CPD: variants seen among roughly 807,000 people sequenced by gnomAD.
CPD encodes the protein carboxypeptidase D.
Under a neutral mutation model 138.3 loss-of-function variants are expected in CPD, and 69 were observed. That is an observed-to-expected ratio of 0.50 (90% CI 0.41 to 0.61). CPD has a LOEUF of 0.61. Ranked by LOEUF, CPD falls within the 20% of genes least tolerant of loss-of-function variation. CPD has a pLI of 0.00. For missense variants in CPD, 1,432 were observed against 1,733.3 expected, an observed-to-expected ratio of 0.83 and a Z score of 3.09; for synonymous variants, 651 against 642.1, an observed-to-expected ratio of 1.01 and a Z score of -0.21.
intron 2 of CPD, among the ~76,000 whole-genome samples, chr17:30,417,885 T>C (rs1466965802): frequency 6.6e-6 from 1 of 152,136 alleles, no homozygotes; most frequent in Admixed American, 6.6e-5. Context: ...TAGACCCTAC[T>C]TACCTTTCCA....
intron 17 of CPD, among the ~76,000 whole-genome samples, chr17:30,458,194 C>CA (rs1319415416): frequency 1.3e-5 from 2 of 151,910 alleles, no homozygotes; most frequent in Non-Finnish European, 2.9e-5. Flanking sequence ...AACTCTGTCT[C>CA]AAAAAAACGA....
At chr17:30,399,124 T>C (rs1911584657) in intron 2 of CPD, among the ~76,000 whole-genome samples, 1 of 151,976 alleles carries the variant, frequency 6.6e-6, no homozygotes, top group East Asian at 1.9e-4. Context: ...AAATATTTTA[T>C]AATATATTTA....
intron 6 of CPD, among the ~76,000 whole-genome samples, chr17:30,426,392 A>T (rs1304277466): frequency 6.6e-6 from 1 of 152,182 alleles, no homozygotes; most frequent in Non-Finnish European, 1.5e-5. Flanking sequence ...TTTCAAAGAT[A>T]GTTTGATGGA....
chr17:30,407,183 A>G (rs1597714058), intron 2 of CPD, among the ~76,000 whole-genome samples: 1 of 152,142 alleles, frequency 6.6e-6, no homozygotes, highest in African/African-American at 2.4e-5. Flanking sequence ...TCCATGGTGT[A>G]TATGTGCACA....
At chr17:30,413,326 T>C (rs968968236) in intron 2 of CPD, among the ~76,000 whole-genome samples, 5 of 152,146 alleles carry the variant, frequency 3.3e-5, no homozygotes, top group African/African-American at 1.2e-4. Flanking sequence ...TATGGCTTGG[T>C]AGGGATAGGA....
intron 12 of CPD, among the ~76,000 whole-genome samples, chr17:30,446,703 G>A (rs564341438): frequency 6.6e-5 from 10 of 152,288 alleles, no homozygotes; most frequent in Admixed American, 5.9e-4. Flanking sequence ...TAATGGGATG[G>A]CTGGGTCAAA....
chr17:30,411,066 C>T (rs1911955302), intron 2 of CPD, among the ~76,000 whole-genome samples: 1 of 152,146 alleles, frequency 6.6e-6, no homozygotes, highest in Non-Finnish European at 1.5e-5. Flanking sequence ...GTGACAAAAT[C>T]TCTCAGCATT....
intron 4 of CPD, among the ~76,000 whole-genome samples, chr17:30,422,255 TTTAA>T (rs1912284956): frequency 2.6e-5 from 4 of 152,220 alleles, no homozygotes; most frequent in Admixed American, 2.0e-4. Context: ...TTGATAAGGA[TTTAA>T]TTGATAACCT....
In CPD at chr17:30,420,836, T is replaced by C. The variant is rs372482686; in HGVS notation, c.995-5T>C. 1.9e-6 allele frequency: 3 copies of C among 1,607,608 alleles called. No individual in the cohort carries two copies. In the African/African-American group the frequency reaches 4.0e-5, roughly 21 times the overall value. On this transcript the variant is annotated splice_polypyrimidine_tract_variant and splice_region_variant and intron_variant, in intron 2 of 20. Coordinates refer to ENST00000225719, the MANE Select transcript of CPD (RefSeq NM_001304.5). The stretch of plus-strand genomic sequence containing the variant: ...GAGAGTAAACTTATTTTTTCTATGT[T>C]ACAGGTGGTATGCAAGATTACAATT...
chr17:30,463,768 G>A (rs1913556250), intron 20 of CPD, among the ~76,000 whole-genome samples: 2 of 152,184 alleles, frequency 1.3e-5, no homozygotes, highest in Non-Finnish European at 2.9e-5. Context: ...CCTGTGTGGT[G>A]TGTTTAAAGG....
chr17:30,386,987 G>A (rs1911209379), intron 2 of CPD, among the ~76,000 whole-genome samples: 1 of 152,090 alleles, frequency 6.6e-6, no homozygotes, highest in Non-Finnish European at 1.5e-5. Flanking sequence ...GAATTGCTGG[G>A]TCAAATGGTA....
chr17:30,397,268 A>G (rs961455306), intron 2 of CPD, among the ~76,000 whole-genome samples: 1 of 152,228 alleles, frequency 6.6e-6, no homozygotes, highest in Admixed American at 6.5e-5. Context: ...CACAGAATTA[A>G]TACTTAGAGC....
At position 30,445,836 on chromosome 17, in the gene CPD, C is replaced by G. The variant is rs772959643; in HGVS notation, c.2689C>G (p.Pro897Ala). The change falls in exon 12 of 21, where the codon CCA becomes GCA. Residue 897 changes from proline to alanine, a missense_variant. Pro to Ala is a conservative substitution (Grantham distance 27). This residue lies in a region of CPD where 124 missense variants were observed against 117.0 expected (regional missense o/e 1.06). Coordinates refer to ENST00000225719, the MANE Select transcript of CPD (RefSeq NM_001304.5). ...ASSSTNDASDPTTKEFETLIK... is the reference protein window; with the variant it reads ...ASSSTNDASDATTKEFETLIK... ...CAGCAGCACCAATGATGCCAGTGATCCAACTACTAAAGAGTTTGAAACTTT... is the reference window on the plus strand; with the variant it reads ...CAGCAGCACCAATGATGCCAGTGATGCAACTACTAAAGAGTTTGAAACTTT... 3.3e-5 allele frequency: 53 copies of G among 1,613,982 alleles called. No homozygotes were observed. In the Admixed American group the frequency reaches 8.3e-4, roughly 25 times the overall value.
chr17:30,438,408 T>C (rs1190850497), intron 8 of CPD, among the ~76,000 whole-genome samples: 1 of 152,164 alleles, frequency 6.6e-6, no homozygotes, highest in African/African-American at 2.4e-5. Context: ...GGACACCTAC[T>C]GTATGCTAGA....
chr17:30,396,185 A>C (rs1466105602), intron 2 of CPD, among the ~76,000 whole-genome samples: 1 of 152,176 alleles, frequency 6.6e-6, no homozygotes, highest in East Asian at 1.9e-4. Context: ...ACTATCCTTC[A>C]AAGTAGTTTT....
intron 17 of CPD, among the ~76,000 whole-genome samples, chr17:30,458,223 T>C (rs754000108): frequency 1.8e-4 from 27 of 152,058 alleles, no homozygotes; most frequent in Admixed American, 9.2e-4. Flanking sequence ...ACAAAACCCA[T>C]TCTGGATGCT....
chr17:30,431,078 C>T (rs952054302), intron 7 of CPD, among the ~76,000 whole-genome samples: 4 of 152,136 alleles, frequency 2.6e-5, no homozygotes, highest in South Asian at 2.1e-4. Context: ...TTTACATTCC[C>T]GCCAGCAATG....
chr17:30,387,341 A>C (rs1388748951), intron 2 of CPD, among the ~76,000 whole-genome samples: 2 of 151,930 alleles, frequency 1.3e-5, no homozygotes, highest in Admixed American at 6.6e-5. Context: ...CTGGTCTCGA[A>C]CTCCTGACCT....
chr17:30,425,821 A>G (rs1238202485), intron 6 of CPD, among the ~76,000 whole-genome samples: 1 of 152,230 alleles, frequency 6.6e-6, no homozygotes, highest in Admixed American at 6.5e-5. Context: ...GGGCAAAAAT[A>G]AAAAGATAAT....
Sources: allele counts gnomAD v4.1 joint callset (sites outside exome capture counted in the v4.1 genomes callset), GRCh38; gene constraint gnomAD v4.1.1; regional missense constraint gnomAD v4.1.1; transcripts MANE v1.5; gene names NCBI Gene and HGNC (gene_info 2026-07-23, HGNC 2026-07-21).